Variants in TOX observed in about 807,000 individuals in gnomAD.
TOX encodes thymocyte selection associated high mobility group box.
Under a neutral mutation model 53.7 loss-of-function variants are expected in TOX, and 11 were observed. The ratio of observed to expected loss-of-function variants is 0.20; its 90% CI spans 0.13 to 0.34. TOX has a LOEUF of 0.34. Ranked by LOEUF, TOX falls within the 10% of genes least tolerant of loss-of-function variation. TOX has a pLI of 1.00. For synonymous variants in TOX, 225 were observed against 245.3 expected, an observed-to-expected ratio of 0.92 and a Z score of 0.77; for missense variants, 570 against 664.6, an observed-to-expected ratio of 0.86 and a Z score of 1.56.
chr8:59,002,664 C>T (rs942928843), intron 1 of TOX, among the ~76,000 whole-genome samples: 6 of 151,654 alleles, frequency 4.0e-5, no homozygotes, highest in African/African-American at 1.5e-4. Flanking sequence ...TTGTAAAAGA[C>T]CTTCTAACCA....
intron 3 of TOX, among the ~76,000 whole-genome samples, chr8:58,859,635 T>C (rs1810974408): frequency 6.6e-6 from 1 of 152,158 alleles, no homozygotes; most frequent in South Asian, 2.1e-4. Flanking sequence ...TCAGAGAAGA[T>C]TAAAACTGCC....
At chr8:58,862,268 T>C (rs1261556235) in intron 3 of TOX, among the ~76,000 whole-genome samples, 2 of 152,134 alleles carry the variant, frequency 1.3e-5, no homozygotes, top group Non-Finnish European at 2.9e-5. Flanking sequence ...TAAGCTCCTT[T>C]AAAACAATTA....
rs192350541 is a variant in TOX, at chr8:59,106,315, A to G, written c.102+12571T>C. On this transcript the variant is annotated intron_variant, in intron 1 of 8. Transcript: ENST00000361421. ...TTTTCTAAGTACTCTTTAGGGGGGA[A>G]AAAAAAAGAAAGAAAGATAAACACA... Among the ~76,000 whole-genome samples, 394 of 130,006 alleles carry G rather than the reference A, an allele frequency of 3.0e-3. 2 individuals are homozygous for G. The highest frequency in any genetic ancestry group is 0.011 in the African/African-American group (382 of 35,480). The allele number at this position is 130,006 out of a possible 152,430, so 85.3% of individuals were successfully genotyped here.
At chr8:59,065,279 C>G (rs1804066630) in intron 1 of TOX, among the ~76,000 whole-genome samples, 1 of 152,076 alleles carries the variant, frequency 6.6e-6, no homozygotes. Flanking sequence ...AATATAATCA[C>G]AGTAACTTAA....
chr8:58,834,195 T>C (rs1563365375), intron 5 of TOX, among the ~76,000 whole-genome samples: 1 of 152,208 alleles, frequency 6.6e-6, no homozygotes, highest in Non-Finnish European at 1.5e-5. Flanking sequence ...CAATAAGTCA[T>C]CAATAATTTT....
rs1805155259 is a variant in TOX at position 59,118,781 on chromosome 8, G to A, written c.102+105C>T. ...AGCGGGCTGCGAGCCGAGCGCGCCC[G>A]GGACCGGCCTCCGCCAAGCCGGCCC... On this transcript the variant is annotated intron_variant, in intron 1 of 8. Transcript: ENST00000361421. The surrounding 1 kb of genome is among the most constrained non-coding windows in gnomAD (Gnocchi z 4.1). The A allele has an allele frequency of 1.4e-6, 1 of 731,714 alleles. No individual in the cohort carries two copies. The highest frequency in any genetic ancestry group is 2.1e-6 in the Non-Finnish European group (1 of 485,430). The allele number at this position is 731,714 out of a possible 1,614,324, so 45.3% of individuals were successfully genotyped here.
At chr8:59,006,404 C>T (rs886892372) in intron 1 of TOX, among the ~76,000 whole-genome samples, 1 of 152,164 alleles carries the variant, frequency 6.6e-6, no homozygotes, top group African/African-American at 2.4e-5. Flanking sequence ...GGAAAAGTAG[C>T]TGCTGTGCTA....
intron 3 of TOX, among the ~76,000 whole-genome samples, chr8:58,905,679 G>T (rs1042545125): frequency 6.6e-6 from 1 of 152,186 alleles, no homozygotes; most frequent in African/African-American, 2.4e-5. Flanking sequence ...TATGGGGATA[G>T]ATTTTCAGTA....
At chr8:58,823,841 T>C (rs826727) in intron 6 of TOX, among the ~76,000 whole-genome samples, 60,229 of 152,066 alleles carry the variant, frequency 0.4, 13,003 homozygotes, top group Admixed American at 0.51. Flanking sequence ...GACTATGACA[T>C]GGCCACAAAT....
intron 1 of TOX, among the ~76,000 whole-genome samples, chr8:58,972,443 T>C (rs1246820332): frequency 6.6e-6 from 1 of 152,220 alleles, no homozygotes; most frequent in Non-Finnish European, 1.5e-5. Flanking sequence ...GGCTAATTTA[T>C]TGTCATAAAA....
At chr8:58,898,855 T>C (rs1811691121) in intron 3 of TOX, among the ~76,000 whole-genome samples, 2 of 152,202 alleles carry the variant, frequency 1.3e-5, no homozygotes, top group Admixed American at 6.5e-5. Flanking sequence ...AAATTGACTA[T>C]TTCTATTCTT....
Position 58,851,170 on chromosome 8 carries a change from C to T in TOX, c.693+354G>A, listed in dbSNP as rs999922627. Among the ~76,000 whole-genome samples the T allele has an allele frequency of 4.3e-5, 6 of 138,266 alleles. No individual in the cohort carries two copies. The highest frequency in any genetic ancestry group is 1.5e-4 in the African/African-American group (5 of 34,448). The allele number at this position is 138,266 out of a possible 152,430, so 90.7% of individuals were successfully genotyped here. ...CCTCTCTCTCTCTGTCTCTCTCTCTCTCTCTCTCTCTCTCTCACACACACA... is the reference window on the plus strand; with the variant it reads ...CCTCTCTCTCTCTGTCTCTCTCTCTTTCTCTCTCTCTCTCTCACACACACA... On this transcript the variant is annotated intron_variant, in intron 4 of 8. Transcript: ENST00000361421. The surrounding 1 kb of genome is among the most constrained non-coding windows in gnomAD (Gnocchi z 4.4).
intron 1 of TOX, among the ~76,000 whole-genome samples, chr8:59,085,259 A>G (rs1804486124): frequency 6.6e-6 from 1 of 152,250 alleles, no homozygotes; most frequent in Non-Finnish European, 1.5e-5. Context: ...GCTACCAGCA[A>G]CTGAAGGCTG....
At chr8:58,896,257 A>G (rs904476090) in intron 3 of TOX, among the ~76,000 whole-genome samples, 3 of 152,172 alleles carry the variant, frequency 2.0e-5, no homozygotes, top group African/African-American at 7.2e-5. Flanking sequence ...CAATACGGCA[A>G]GAGGGGAAAA....
chr8:58,934,241 A>G (rs1040675559), intron 3 of TOX, among the ~76,000 whole-genome samples: 1 of 152,200 alleles, frequency 6.6e-6, no homozygotes, highest in Admixed American at 6.5e-5. Context: ...AGTGCCAGAA[A>G]TTTAACTAGT....
intron 6 of TOX, among the ~76,000 whole-genome samples, chr8:58,821,517 T>C (rs1414128734): frequency 6.6e-6 from 1 of 152,154 alleles, no homozygotes; most frequent in Non-Finnish European, 1.5e-5. Context: ...TTGTTGACTC[T>C]AGGTCCAATG....
chr8:58,880,821 T>A (rs112021317), intron 3 of TOX, among the ~76,000 whole-genome samples: 10 of 152,342 alleles, frequency 6.6e-5, no homozygotes, highest in African/African-American at 2.2e-4. Context: ...GCAATTGGAT[T>A]TATTGGGCTT....
chr8:58,959,584 A>G (rs993243285), intron 2 of TOX, among the ~76,000 whole-genome samples: 2 of 152,250 alleles, frequency 1.3e-5, no homozygotes, highest in African/African-American at 4.8e-5. Context: ...AATTAAAGCT[A>G]TTTGTGACAC....
chr8:58,870,437 G>A (rs1377446927), intron 3 of TOX, among the ~76,000 whole-genome samples: 1 of 152,144 alleles, frequency 6.6e-6, no homozygotes. Context: ...GAATAAAAGG[G>A]TCAGTATTGT....
Sources: gnomAD v4.1 joint callset for allele counts (sites outside exome capture counted in the v4.1 genomes callset) on GRCh38, gnomAD v4.1.1 for gene constraint, Gnocchi (gnomAD v3.1) non-coding constraint, MANE v1.5 for transcripts, NCBI Gene and HGNC (gene_info 2026-07-23, HGNC 2026-07-21) for gene names.